Variants in RIMS1 observed in about 807,000 individuals in gnomAD.
RIMS1 encodes regulating synaptic membrane exocytosis 1.
A neutral mutation model predicts 214.1 loss-of-function variants in RIMS1; 83 were observed. The observed-to-expected ratio is 0.39, with a 90% CI of 0.32 to 0.47. The LOEUF (loss-of-function observed/expected upper bound fraction) is 0.47, where lower values mean the gene tolerates loss of function less well. Among genes scored for constraint, RIMS1 ranks in the 20% least tolerant of loss-of-function variants. The pLI is 0.99. For missense variants in RIMS1, 2,050 were observed against 2,161.8 expected, an observed-to-expected ratio of 0.95 and a Z score of 1.03; for synonymous variants, 793 against 786.8, an observed-to-expected ratio of 1.01 and a Z score of -0.13.
At chr6:72,290,092 A>C (rs1357740133) in intron 24 of RIMS1, among the ~76,000 whole-genome samples, 21 of 152,222 alleles carry the variant, frequency 1.4e-4, no homozygotes, top group Admixed American at 1.4e-3. Flanking sequence ...TCAGATGTAT[A>C]ATTAATGGAG....
intron 4 of RIMS1, among the ~76,000 whole-genome samples, chr6:72,170,935 CA>C (rs1388616151): frequency 6.6e-6 from 1 of 152,064 alleles, no homozygotes; most frequent in African/African-American, 2.4e-5. Context: ...TTGTATAACT[CA>C]ATCCTAACAT....
chr6:72,335,282 A>G (rs1202160625), intron 29 of RIMS1, among the ~76,000 whole-genome samples: 1 of 151,800 alleles, frequency 6.6e-6, no homozygotes, highest in Non-Finnish European at 1.5e-5. Context: ...CCCTGTGTCC[A>G]TGTGTTCTCA....
intron 2 of RIMS1, among the ~76,000 whole-genome samples, chr6:72,034,844 G>T (rs541535254): frequency 6.6e-6 from 1 of 152,168 alleles, no homozygotes; most frequent in African/African-American, 2.4e-5. Context: ...AAATATACAG[G>T]TATGTAAATT....
chr6:72,325,016 G>T (rs2096385327), intron 28 of RIMS1, among the ~76,000 whole-genome samples: 1 of 151,880 alleles, frequency 6.6e-6, no homozygotes, highest in Non-Finnish European at 1.5e-5. Flanking sequence ...TATATATTTA[G>T]TTTCTTAAAT....
At chr6:72,128,486 C>T (rs1347301812) in intron 4 of RIMS1, among the ~76,000 whole-genome samples, 1 of 152,028 alleles carries the variant, frequency 6.6e-6, no homozygotes, top group Non-Finnish European at 1.5e-5. Flanking sequence ...ACACAGCCAT[C>T]CTCTTAAAAG....
chr6:72,399,881 G>T (rs555309624), intron 33 of RIMS1, among the ~76,000 whole-genome samples: 42 of 152,204 alleles, frequency 2.8e-4, no homozygotes, highest in Admixed American at 7.9e-4. Context: ...AATAGAAGTT[G>T]ACCTAGATTG....
chr6:72,112,417 A>G (rs776065627), intron 4 of RIMS1, among the ~76,000 whole-genome samples: 2 of 151,990 alleles, frequency 1.3e-5, no homozygotes, highest in African/African-American at 2.4e-5. Context: ...GAACCCTCCA[A>G]TGGCTTCCCA....
chr6:72,329,040 C>T (rs188672215), intron 28 of RIMS1, among the ~76,000 whole-genome samples: 12 of 151,756 alleles, frequency 7.9e-5, no homozygotes, highest in Admixed American at 4.6e-4. Flanking sequence ...CAAAACAAAA[C>T]AAAACAAAAA....
At chr6:72,214,605 T>G (rs914006257) in intron 6 of RIMS1, among the ~76,000 whole-genome samples, 66 of 152,134 alleles carry the variant, frequency 4.3e-4, no homozygotes, top group Non-Finnish European at 7.4e-5. Context: ...GAAATAGGAA[T>G]AGAGAAATAA....
intron 28 of RIMS1, among the ~76,000 whole-genome samples, chr6:72,329,535 G>C (rs372058599): frequency 4.1e-5 from 6 of 145,830 alleles, no homozygotes; most frequent in African/African-American, 1.5e-4. Flanking sequence ...CCCTTTATTA[G>C]TTTTTTTTTT....
chr6:72,158,170 A>T (rs2044703272), intron 4 of RIMS1, among the ~76,000 whole-genome samples: 1 of 140,502 alleles, frequency 7.1e-6, no homozygotes, highest in Non-Finnish European at 1.6e-5. Flanking sequence ...AACACTCTTT[A>T]GTATTTCTTT....
At chr6:72,315,100 A>G (rs970621947) in intron 28 of RIMS1, among the ~76,000 whole-genome samples, 1 of 152,166 alleles carries the variant, frequency 6.6e-6, no homozygotes, top group African/African-American at 2.4e-5. Flanking sequence ...AGAGACTATG[A>G]TTTTATACAA....
intron 1 of RIMS1, among the ~76,000 whole-genome samples, chr6:71,954,862 ACACACACTC>A (rs1171758702): frequency 7.1e-6 from 1 of 140,316 alleles, no homozygotes; most frequent in East Asian, 2.3e-4. Context: ...ACACACACAC[ACACACACTC>A]CACACACACA....
chr6:72,070,754 G>A (rs958227346), intron 2 of RIMS1, among the ~76,000 whole-genome samples: 7 of 152,088 alleles, frequency 4.6e-5, no homozygotes, highest in African/African-American at 1.2e-4. Flanking sequence ...CTAAGCCCTC[G>A]TTATGAAGGA....
At chr6:71,944,392 A>G (rs1340014214) in intron 1 of RIMS1, among the ~76,000 whole-genome samples, 1 of 152,194 alleles carries the variant, frequency 6.6e-6, no homozygotes, top group Non-Finnish European at 1.5e-5. Flanking sequence ...CCTGGGGCAC[A>G]GTGTTGGGAG....
chr6:72,251,169 T>A lies in RIMS1; in HGVS notation c.2545-46T>A, dbSNP rs745970635. Reference sequence around the variant, plus strand: ...ATTTATTATGATTACTATTACATTATGTTTTGATAAAGGTACTTGATTTAA... The same window carrying A: ...ATTTATTATGATTACTATTACATTAAGTTTTGATAAAGGTACTTGATTTAA... On this transcript the variant is annotated intron_variant, in intron 14 of 33. Coordinates refer to ENST00000521978, the MANE Select transcript of RIMS1 (RefSeq NM_014989.7). The A allele has an allele frequency of 1.1e-4, 169 of 1,563,960 alleles. 1 individual carries two copies. The highest frequency in any genetic ancestry group is 5.2e-6 in the Non-Finnish European group (6 of 1,152,394).
chr6:72,158,931 G>A (rs922934977), intron 4 of RIMS1, among the ~76,000 whole-genome samples: 1 of 140,088 alleles, frequency 7.1e-6, no homozygotes, highest in African/African-American at 2.5e-5. Flanking sequence ...GGGATGGCTG[G>A]GTCAAATGGT....
chr6:72,153,882 TAAA>T (rs954295806), intron 4 of RIMS1, among the ~76,000 whole-genome samples: 1 of 152,176 alleles, frequency 6.6e-6, no homozygotes, highest in Admixed American at 6.5e-5. Flanking sequence ...TTTAAAATTT[TAAA>T]AACGTACAAA....
At chr6:72,124,015 A>T (rs189284573) in intron 4 of RIMS1, among the ~76,000 whole-genome samples, 1,728 of 151,916 alleles carry the variant, frequency 0.011, 42 homozygotes, top group Non-Finnish European at 0.018. Context: ...TCCTGTCATT[A>T]TGATGTTAGC....
Sources: allele counts gnomAD v4.1 joint callset (sites outside exome capture counted in the v4.1 genomes callset), GRCh38; gene constraint gnomAD v4.1.1; transcripts MANE v1.5; gene names NCBI Gene and HGNC (gene_info 2026-07-23, HGNC 2026-07-21).